The following IQGAP1 variants were observed in gnomAD, a reference collection of about 807,000 sequenced individuals.
IQGAP1 encodes the protein ras GTPase-activating-like protein IQGAP1.
IQGAP1 carries 66 observed loss-of-function variants against 215.6 expected under a neutral mutation model. The ratio of observed to expected loss-of-function variants is 0.31; its 90% CI spans 0.25 to 0.38. The LOEUF is 0.38. Ranked by LOEUF, IQGAP1 falls within the 10% of genes least tolerant of loss-of-function variation. The probability of loss-of-function intolerance (pLI) is 1.00; values close to 1 mark genes in which losing one functional copy is unlikely to be tolerated. For synonymous variants in IQGAP1, 772 were observed against 728.7 expected (o/e 1.06, Z -0.96); for missense variants, 1,712 against 1,997.1 (o/e 0.86, Z 2.72).
chr15:90,491,596 G>C, intron 34 of IQGAP1, 51 bp downstream of exon 34: 2 of 1,453,402 alleles, frequency 1.4e-6, no homozygotes, highest in Non-Finnish European at 1.9e-6. Context: ...AAGCTGAGAG[G>C]CTCGAGAGAC....
intron 2 of IQGAP1, among the ~76,000 whole-genome samples, chr15:90,420,961 C>T (rs2526001): frequency 0.36 from 54,634 of 150,494 alleles, 10,470 homozygotes; most frequent in East Asian, 0.67. Context: ...AAGGCCAGCC[C>T]GGCCAACATG....
At chr15:90,491,622 A>T (rs1966206125) in intron 34 of IQGAP1, 77 bp downstream of exon 34, 1 of 1,162,556 alleles carries the variant, frequency 8.6e-7, no homozygotes, top group Admixed American at 2.0e-5. Flanking sequence ...CTGTTCACAT[A>T]ACAGCATAGC....
chr15:90,418,982 C>CA (rs1313487484), intron 2 of IQGAP1, among the ~76,000 whole-genome samples: 1 of 151,806 alleles, frequency 6.6e-6, no homozygotes, highest in African/African-American at 2.4e-5. Context: ...CCTTTCTCTA[C>CA]AAAAAAAGGC....
At chr15:90,499,213 G>C (rs762626183) in intron 37 of IQGAP1, among the ~76,000 whole-genome samples, 8 of 152,204 alleles carry the variant, frequency 5.3e-5, no homozygotes, top group Non-Finnish European at 8.8e-5. Flanking sequence ...ACTTGTTCAG[G>C]ACAATGGTGA....
At chr15:90,472,817 G>C (rs1399210199) in intron 18 of IQGAP1, 23 bp from the exon 19 acceptor site, 1 of 1,589,720 alleles carries the variant, frequency 6.3e-7, no homozygotes, top group South Asian at 1.1e-5. Context: ...GAATGTCTTT[G>C]AATGTGACCA....
At chr15:90,404,606 A>T (rs975217781) in intron 2 of IQGAP1, among the ~76,000 whole-genome samples, 4 of 147,026 alleles carry the variant, frequency 2.7e-5, no homozygotes, top group Non-Finnish European at 6.0e-5. Context: ...TTGTCCTTTA[A>T]TTTTTTTTTT....
rs914178459 is a variant in IQGAP1, at chr15:90,388,293, G to C, written c.-49G>C. 9 of 1,591,492 alleles carry C rather than the reference G, an allele frequency of 5.7e-6. No individual in the cohort carries two copies. The highest frequency in any genetic ancestry group is 5.1e-6 in the Non-Finnish European group (6 of 1,169,362). On this transcript the variant is annotated 5_prime_UTR_variant, in exon 1 of 38. Coordinates refer to ENST00000268182, the MANE Select transcript of IQGAP1 (RefSeq NM_003870.4). Reference sequence around the variant, plus strand: ...AGGAGCTGTAGCTACCGCCGTCCGCGCCTCCAAGGTTTCACGGCTTCCTCA... The same window carrying C: ...AGGAGCTGTAGCTACCGCCGTCCGCCCCTCCAAGGTTTCACGGCTTCCTCA...
chr15:90,443,670 G>A (rs139851358), intron 9 of IQGAP1, among the ~76,000 whole-genome samples, 192 bp downstream of exon 9: 2,724 of 152,156 alleles, frequency 0.018, 29 homozygotes, highest in Non-Finnish European at 0.028. Context: ...TCAGTCAGCC[G>A]CTTGTTCCTA....
chr15:90,449,476 G>T (rs1965570758), intron 10 of IQGAP1, 83 bp from the exon 11 acceptor site: 3 of 1,124,590 alleles, frequency 2.7e-6, no homozygotes, highest in African/African-American at 3.1e-5. Flanking sequence ...TGTCCCTAGT[G>T]ACTGCTTTTG....
intron 9 of IQGAP1, 58 bp downstream of exon 9, chr15:90,443,536 G>T: frequency 9.9e-7 from 1 of 1,014,472 alleles, no homozygotes. Flanking sequence ...TGTGAATGTT[G>T]ATCTATTCTG....
At chr15:90,492,754 G>A (rs1214794269) in intron 35 of IQGAP1, 43 bp downstream of exon 35, 15 of 1,543,104 alleles carry the variant, frequency 9.7e-6, no homozygotes, top group African/African-American at 1.4e-5. Context: ...CAGAATTAGA[G>A]TGAGGAAAAA....
intron 26 of IQGAP1, among the ~76,000 whole-genome samples, chr15:90,480,814 A>G (rs967700996): frequency 4.6e-5 from 7 of 152,132 alleles, no homozygotes; most frequent in African/African-American, 1.4e-4. Context: ...GATTACAGGC[A>G]TGCGCCACAC....
intron 2 of IQGAP1, among the ~76,000 whole-genome samples, chr15:90,402,572 G>C (rs939428111): frequency 2.0e-5 from 3 of 152,140 alleles, no homozygotes; most frequent in Non-Finnish European, 4.4e-5. Flanking sequence ...AGAACTGTGA[G>C]GTTTCTGCAG....
chr15:90,407,945 G>A (rs1964903484), intron 2 of IQGAP1, among the ~76,000 whole-genome samples: 1 of 152,218 alleles, frequency 6.6e-6, no homozygotes, highest in Admixed American at 6.5e-5. Flanking sequence ...AGAGGTCTCA[G>A]TGTCACAAGG....
At chr15:90,393,109 A>C (rs1343804689) in intron 2 of IQGAP1, among the ~76,000 whole-genome samples, 10 of 142,248 alleles carry the variant, frequency 7.0e-5, no homozygotes, top group Admixed American at 3.5e-4. Flanking sequence ...GGGAACTTAA[A>C]AAAAAAAAAA....
chr15:90,453,560 C>G (rs530953963), intron 13 of IQGAP1, among the ~76,000 whole-genome samples: 55 of 152,292 alleles, frequency 3.6e-4, no homozygotes, highest in African/African-American at 1.3e-3. Context: ...TATCATCTAA[C>G]CCTAGCTAGT....
At chr15:90,402,984 T>G (rs150988268) in intron 2 of IQGAP1, among the ~76,000 whole-genome samples, 34 of 152,310 alleles carry the variant, frequency 2.2e-4, no homozygotes, top group Middle Eastern at 6.8e-3. Context: ...CAAAATGTTT[T>G]TTTGGGCTGG....
chr15:90,430,766 G>A (rs1333934305), intron 4 of IQGAP1, among the ~76,000 whole-genome samples: 1 of 151,726 alleles, frequency 6.6e-6, no homozygotes, highest in African/African-American at 2.4e-5. Context: ...TGTAACCAAA[G>A]GAAAATTTAT....
Position 90,476,699 on chromosome 15 carries a change from A to G in IQGAP1, c.2821A>G (p.Asn941Asp). The G allele has an allele frequency of 6.3e-7, 1 of 1,591,370 alleles. No individual in the cohort carries two copies. The highest frequency in any genetic ancestry group is 1.4e-5 in the African/African-American group (1 of 73,200). ...VSHSKKLTKK[N>D]KEQLSDMMMI... The stretch of plus-strand genomic sequence containing the variant: ...CCACAGTAAAAAACTTACCAAAAAA[A>G]ATAAGGAACAGTTGTCTGATATGAT... The change falls in exon 24 of 38, where the codon AAT becomes GAT. Residue 941 changes from asparagine to aspartate, a missense_variant. Physicochemically the swap from Asn to Asp is conservative, Grantham distance 23. This residue lies in a region of IQGAP1 where 691 missense variants were observed against 923.0 expected (regional missense o/e 0.75). Coordinates refer to ENST00000268182, the MANE Select transcript of IQGAP1 (RefSeq NM_003870.4).
Sources: gnomAD v4.1 joint callset for allele counts (sites outside exome capture counted in the v4.1 genomes callset) on GRCh38, gnomAD v4.1.1 for gene constraint, gnomAD v4.1.1 regional missense constraint, MANE v1.5 for transcripts, NCBI Gene and HGNC (gene_info 2026-07-23, HGNC 2026-07-21) for gene names.